Variants in LYPLAL1 observed in about 807,000 individuals in gnomAD.
LYPLAL1 encodes the protein lysophospholipase like 1.
A neutral mutation model predicts 19.7 loss-of-function variants in LYPLAL1; 23 were observed. That is an observed-to-expected ratio of 1.17 (90% CI 0.84 to 1.65). The LOEUF (loss-of-function observed/expected upper bound fraction) is 1.65, where lower values mean the gene tolerates loss of function less well. Ranked by LOEUF, LYPLAL1 falls within the 40% of genes most tolerant of loss-of-function variation. The pLI, the probability that LYPLAL1 is intolerant of heterozygous loss-of-function variation, is 0.00. For synonymous variants in LYPLAL1, 119 were observed against 96.3 expected, an observed-to-expected ratio of 1.24 and a Z score of -1.38; for missense variants, 355 against 279.4, an observed-to-expected ratio of 1.27 and a Z score of -1.93.
chr1:219,237,926 A>G, the LYPLAL1 span, among the ~76,000 whole-genome samples: 3 of 152,184 alleles, frequency 2.0e-5, no homozygotes, highest in Non-Finnish European at 4.4e-5. Flanking sequence ...AAGTTGCCTA[A>G]TACATGCTTA....
At chr1:219,245,234 T>TTCCG in the LYPLAL1 span, among the ~76,000 whole-genome samples, 2 of 129,988 alleles carry the variant, frequency 1.5e-5, no homozygotes, top group African/African-American at 5.7e-5. Context: ...CCTTCCTTCC[T>TTCCG]TCTACAGTTC....
chr1:219,322,403 T>C, the LYPLAL1 span, among the ~76,000 whole-genome samples: 1 of 152,208 alleles, frequency 6.6e-6, no homozygotes, highest in Non-Finnish European at 1.5e-5. Context: ...AAATTCATTC[T>C]GGAAGACAAT....
At chr1:219,424,186 G>A in the LYPLAL1 span, among the ~76,000 whole-genome samples, 3 of 152,116 alleles carry the variant, frequency 2.0e-5, no homozygotes, top group South Asian at 6.2e-4. Context: ...TTACGTAAAA[G>A]AATTTCAATC....
intron 3 of LYPLAL1, among the ~76,000 whole-genome samples, chr1:219,209,866 C>T (rs887505197): frequency 1.3e-5 from 2 of 152,042 alleles, no homozygotes; most frequent in South Asian, 4.1e-4. Context: ...CTGCATATAT[C>T]CAGTGACTGG....
the LYPLAL1 span, among the ~76,000 whole-genome samples, chr1:219,243,814 G>A: frequency 0.47 from 70,167 of 150,880 alleles, 16,683 homozygotes; most frequent in East Asian, 0.66. Context: ...AGCTACTTGG[G>A]AGGCTGAGAC....
At chr1:219,198,204 A>G (rs1232157091) in intron 3 of LYPLAL1, among the ~76,000 whole-genome samples, 1 of 152,156 alleles carries the variant, frequency 6.6e-6, no homozygotes, top group Non-Finnish European at 1.5e-5. Context: ...TAGTTTTCTG[A>G]TTGACAGCAT....
At chr1:219,229,294 TGAGAGAGAGAGAGAGAGA>T in the LYPLAL1 span, among the ~76,000 whole-genome samples, 2,939 of 133,024 alleles carry the variant, frequency 0.022, 131 homozygotes, top group African/African-American at 0.084. Flanking sequence ...ACAAGCATTT[TGAGAGAGAGAGAGAGAGA>T]GAGAGAGAGA....
At chr1:219,337,466 T>C in the LYPLAL1 span, among the ~76,000 whole-genome samples, 11,339 of 152,104 alleles carry the variant, frequency 0.075, 519 homozygotes, top group South Asian at 0.1. Flanking sequence ...GAATACATTC[T>C]GTTTCTTGTA....
the LYPLAL1 span, among the ~76,000 whole-genome samples, chr1:219,237,503 A>G: frequency 1.3e-5 from 2 of 152,228 alleles, no homozygotes; most frequent in African/African-American, 4.8e-5. Context: ...ATTAGTAATT[A>G]CAACATATGA....
the LYPLAL1 span, among the ~76,000 whole-genome samples, chr1:219,292,333 C>T: frequency 6.6e-6 from 1 of 152,280 alleles, no homozygotes; most frequent in Non-Finnish European, 1.5e-5. Context: ...CACTGGACTC[C>T]CCTCTTGTAA....
chr1:219,315,533 C>T, the LYPLAL1 span, among the ~76,000 whole-genome samples: 1 of 152,190 alleles, frequency 6.6e-6, no homozygotes, highest in Admixed American at 6.6e-5. Flanking sequence ...TTAAATTTCC[C>T]TTAAAATAGA....
At chr1:219,412,997 G>C in the LYPLAL1 span, among the ~76,000 whole-genome samples, 1 of 152,112 alleles carries the variant, frequency 6.6e-6, no homozygotes, top group Non-Finnish European at 1.5e-5. Context: ...TTGCATCTTT[G>C]TTTTCAAAGA....
At chr1:219,247,083 C>T in the LYPLAL1 span, among the ~76,000 whole-genome samples, 39 of 152,196 alleles carry the variant, frequency 2.6e-4, no homozygotes, top group South Asian at 8.1e-3. Context: ...TTAAAATAGA[C>T]ATGTAATTAT....
chr1:219,178,823 AT>A (rs939844949), intron 1 of LYPLAL1, among the ~76,000 whole-genome samples: 5 of 152,106 alleles, frequency 3.3e-5, no homozygotes, highest in African/African-American at 4.8e-5. Flanking sequence ...CAGAAATAAA[AT>A]TTTTTTTAGA....
the LYPLAL1 span, among the ~76,000 whole-genome samples, chr1:219,339,124 A>G: frequency 1.1e-4 from 17 of 151,860 alleles, no homozygotes; most frequent in Admixed American, 2.0e-4. Flanking sequence ...TGAGCTCTGT[A>G]CACTGGGTCA....
the LYPLAL1 span, among the ~76,000 whole-genome samples, chr1:219,437,738 ATTAT>A: frequency 6.9e-6 from 1 of 145,290 alleles, no homozygotes; most frequent in South Asian, 2.2e-4. Flanking sequence ...ATTTTATTTT[ATTAT>A]TTTATTGTAT....
In LYPLAL1 at chr1:219,210,536, A is replaced by T. The variant is rs1368902165; in HGVS notation, c.366A>T (p.Gly122=). Reference sequence around the variant, plus strand: ...TAAGTATGTTTTTGTTTTTAGGAGGATTCTCTATGGGAGGATGCATGGCAA... The same window carrying T: ...TAAGTATGTTTTTGTTTTTAGGAGGTTTCTCTATGGGAGGATGCATGGCAA... ...GIKKNRILIG[G]FSMGGCMAIH... is the part of the protein sequence containing the mutation. The change falls in exon 4 of 5, where the codon GGA becomes GGT. Residue 122 remains glycine, a synonymous_variant. Coordinates refer to ENST00000366928, the MANE Select transcript of LYPLAL1 (RefSeq NM_138794.5). The T allele has an allele frequency of 1.9e-6, 3 of 1,582,010 alleles. No homozygotes were observed. Among genetic ancestry groups the T allele is most frequent in the East Asian group, 2.3e-5 (1 of 44,418 alleles).
chr1:219,323,581 G>A, the LYPLAL1 span, among the ~76,000 whole-genome samples: 52 of 152,254 alleles, frequency 3.4e-4, no homozygotes, highest in African/African-American at 1.2e-3. Flanking sequence ...CTTTGAAGCT[G>A]GGCTCTGTTA....
At chr1:219,179,395 T>C in intron 2 of LYPLAL1, 149 bp downstream of exon 2, 1 of 654,866 alleles carries the variant, frequency 1.5e-6, no homozygotes, top group Non-Finnish European at 2.6e-6. Flanking sequence ...TATTCTTTAT[T>C]GCAGTTACAC....
Sources: gnomAD v4.1 joint callset for allele counts (sites outside exome capture counted in the v4.1 genomes callset) on GRCh38, gnomAD v4.1.1 for gene constraint, MANE v1.5 for transcripts, NCBI Gene and HGNC (gene_info 2026-07-23, HGNC 2026-07-21) for gene names.